PACRGL: variants seen among roughly 807,000 people sequenced by gnomAD.
The protein encoded by PACRGL is parkin coregulated like.
Under a neutral mutation model 34.5 loss-of-function variants are expected in PACRGL, and 38 were observed. The observed-to-expected ratio is 1.10, with a 90% CI of 0.85 to 1.44. The LOEUF is 1.44. Among genes scored for constraint, PACRGL ranks in the 40% most tolerant of loss-of-function variants. The pLI, the probability that PACRGL is intolerant of heterozygous loss-of-function variation, is 0.00. For missense variants in PACRGL, 305 were observed against 281.4 expected (o/e 1.08, Z -0.60); for synonymous variants, 128 against 100.1 (o/e 1.28, Z -1.66).
chr4:20,745,443 G>A (rs1752214664), intron 8 of PACRGL, among the ~76,000 whole-genome samples: 1 of 152,114 alleles, frequency 6.6e-6, no homozygotes, highest in Non-Finnish European at 1.5e-5. Context: ...AAAGAAAAAT[G>A]AGAAACTTAA....
At chr4:20,711,157 C>A (rs2149090211) in intron 5 of PACRGL, among the ~76,000 whole-genome samples, 1 of 151,980 alleles carries the variant, frequency 6.6e-6, no homozygotes, top group Non-Finnish European at 1.5e-5. Context: ...AGGTAGCAAA[C>A]CATGTTTTTT....
At chr4:20,762,036 C>T in the PACRGL span, among the ~76,000 whole-genome samples, 1 of 152,152 alleles carries the variant, frequency 6.6e-6, no homozygotes. Flanking sequence ...TGTCTTTGTT[C>T]AGGCTCCTTT....
chr4:20,733,908 G>T (rs184348162), downstream of PACRGL, among the ~76,000 whole-genome samples: 1 of 152,100 alleles, frequency 6.6e-6, no homozygotes, highest in Non-Finnish European at 1.5e-5. Context: ...CTCCAGTAGC[G>T]CAAGTTCATG....
chr4:20,750,061 T>C (rs1253263782), intron 8 of PACRGL, among the ~76,000 whole-genome samples: 1 of 152,182 alleles, frequency 6.6e-6, no homozygotes, highest in Non-Finnish European at 1.5e-5. Flanking sequence ...GGAATTTGCT[T>C]AGTGTTTGGA....
chr4:20,744,548 A>G (rs966942990), intron 8 of PACRGL, among the ~76,000 whole-genome samples: 4 of 151,920 alleles, frequency 2.6e-5, no homozygotes, highest in Non-Finnish European at 5.9e-5. Context: ...GTTCTCACTC[A>G]TAGGTGGGAA....
intron 5 of PACRGL, among the ~76,000 whole-genome samples, chr4:20,712,096 C>G (rs889321192): frequency 6.6e-6 from 1 of 151,896 alleles, no homozygotes; most frequent in Non-Finnish European, 1.5e-5. Flanking sequence ...TTTTTATTAT[C>G]CTAGCGAGTT....
At chr4:20,712,514 A>G (rs1256263877) in intron 5 of PACRGL, among the ~76,000 whole-genome samples, 2 of 152,136 alleles carry the variant, frequency 1.3e-5, no homozygotes, top group African/African-American at 4.8e-5. Flanking sequence ...ATGTGCACAT[A>G]CTATGCTCTT....
the PACRGL span, among the ~76,000 whole-genome samples, chr4:20,761,246 A>G: frequency 4.6e-5 from 7 of 152,190 alleles, no homozygotes; most frequent in Non-Finnish European, 1.0e-4. Context: ...TTAGATATCA[A>G]GCTGGCCAAG....
At chr4:20,722,287 C>T (rs1000737278) in intron 7 of PACRGL, among the ~76,000 whole-genome samples, 1 of 152,344 alleles carries the variant, frequency 6.6e-6, no homozygotes, top group East Asian at 1.9e-4. Flanking sequence ...TGAGGCGATG[C>T]CTCGCCCTGC....
At chr4:20,704,385 G>T in intron 1 of PACRGL, 81 bp from the exon 2 acceptor site, 5 of 1,310,678 alleles carry the variant, frequency 3.8e-6, no homozygotes, top group South Asian at 1.3e-5. Context: ...TGTATACTCT[G>T]TTCTGGTTTT....
intron 8 of PACRGL, among the ~76,000 whole-genome samples, chr4:20,739,698 G>A (rs779978354): frequency 2.6e-5 from 4 of 151,866 alleles, no homozygotes; most frequent in African/African-American, 4.8e-5. Context: ...CCAAAGGAAC[G>A]CACCTCCTCG....
chr4:20,732,609 C>T (rs1451332409), downstream of PACRGL: 14 of 895,082 alleles, frequency 1.6e-5, no homozygotes, highest in Non-Finnish European at 2.3e-5. Flanking sequence ...TTTGAATCAT[C>T]GTGGTGCATG....
chr4:20,716,731 C>A (rs1303725676), intron 7 of PACRGL, among the ~76,000 whole-genome samples: 2 of 152,158 alleles, frequency 1.3e-5, no homozygotes, highest in African/African-American at 4.8e-5. Flanking sequence ...TCCAGTCTAT[C>A]ATTGATGGAC....
intron 7 of PACRGL, among the ~76,000 whole-genome samples, chr4:20,715,081 A>G (rs537065612): frequency 1.3e-5 from 2 of 152,350 alleles, no homozygotes; most frequent in South Asian, 2.1e-4. Flanking sequence ...ACACCATGGA[A>G]TACTATGTAG....
downstream of PACRGL, chr4:20,732,723 G>A (rs774475425): frequency 1.7e-5 from 27 of 1,612,546 alleles, no homozygotes; most frequent in Admixed American, 1.0e-4. Flanking sequence ...CATCTTCTTT[G>A]AGGACAGGAT....
chr4:20,723,221 T>TCAGG (rs1744169033), intron 7 of PACRGL, among the ~76,000 whole-genome samples: 1 of 152,174 alleles, frequency 6.6e-6, no homozygotes, highest in Non-Finnish European at 1.5e-5. Flanking sequence ...AAGCTTCATG[T>TCAGG]CAGGGGGTGT....
At chr4:20,708,491 G>T (rs1735573896) in intron 4 of PACRGL, among the ~76,000 whole-genome samples, 1 of 151,890 alleles carries the variant, frequency 6.6e-6, no homozygotes. Flanking sequence ...AGTTTTTAAT[G>T]GTATTTTCGG....
intron 7 of PACRGL, 50 bp from the exon 8 acceptor site, chr4:20,724,758 C>A: frequency 9.3e-7 from 1 of 1,072,192 alleles, no homozygotes; most frequent in Non-Finnish European, 1.3e-6. Context: ...GTATGGTGAG[C>A]ATTGTTAAGT....
At position 20,731,590 on chromosome 4, in the gene PACRGL, A is replaced by G; in HGVS notation, c.*4249A>G. The G allele has an allele frequency of 1.0e-6, 1 of 985,362 alleles. No homozygotes were observed. Among genetic ancestry groups the G allele is most frequent in the Non-Finnish European group, 1.2e-6 (1 of 829,864 alleles). 61.0% of individuals were successfully genotyped at this position (985,362 alleles called of 1,614,324 possible). On this transcript the variant is annotated 3_prime_UTR_variant, in exon 9 of 9. Coordinates refer to ENST00000503585, the MANE Select transcript of PACRGL (RefSeq NM_001258345.3). ...AACAATGACTTTTCTCTTAGAAATC[A>G]GATAGAAGCTTGGCCTGTTGTGATG... is the stretch of plus-strand genomic sequence containing the variant.
Sources: allele counts gnomAD v4.1 joint callset (sites outside exome capture counted in the v4.1 genomes callset), GRCh38; gene constraint gnomAD v4.1.1; transcripts MANE v1.5; gene names NCBI Gene and HGNC (gene_info 2026-07-23, HGNC 2026-07-21).